The following PRKN variants were observed in gnomAD, a reference collection of about 807,000 sequenced individuals.
PRKN encodes E3 ubiquitin-protein ligase parkin.
Under a neutral mutation model 59.5 loss-of-function variants are expected in PRKN, and 56 were observed. The ratio of observed to expected loss-of-function variants is 0.94; its 90% CI spans 0.76 to 1.18. The LOEUF is 1.18. Among genes scored for constraint, PRKN ranks in the 50% most tolerant of loss-of-function variants. The probability of loss-of-function intolerance (pLI) is 0.00; values close to 1 mark genes in which losing one functional copy is unlikely to be tolerated. For synonymous variants in PRKN, 250 were observed against 222.1 expected, an observed-to-expected ratio of 1.13 and a Z score of -1.12; for missense variants, 657 against 596.4, an observed-to-expected ratio of 1.10 and a Z score of -1.06.
chr6:162,509,346 A>G (rs372488995), intron 1 of PRKN, among the ~76,000 whole-genome samples: 3 of 152,192 alleles, frequency 2.0e-5, no homozygotes, highest in African/African-American at 7.2e-5. Context: ...AGATTTTACT[A>G]TAAGAACATT....
chr6:162,316,843 T>G (rs1174642227), intron 2 of PRKN, among the ~76,000 whole-genome samples: 2 of 152,172 alleles, frequency 1.3e-5, no homozygotes, highest in Non-Finnish European at 2.9e-5. Context: ...ATATGAAAAG[T>G]TGGCATATAT....
At chr6:162,402,430 T>C (rs892057674) in intron 2 of PRKN, among the ~76,000 whole-genome samples, 8 of 151,920 alleles carry the variant, frequency 5.3e-5, no homozygotes, top group African/African-American at 1.9e-4. Flanking sequence ...CCACTCACAG[T>C]TGCCCCCCTA....
At chr6:162,225,135 A>T (rs1443356290) in intron 3 of PRKN, among the ~76,000 whole-genome samples, 1 of 152,212 alleles carries the variant, frequency 6.6e-6, no homozygotes, top group Non-Finnish European at 1.5e-5. Flanking sequence ...GTGAGAGCAC[A>T]TCTATGAGTG....
chr6:162,360,148 G>A (rs1785072322), intron 2 of PRKN, among the ~76,000 whole-genome samples: 1 of 151,976 alleles, frequency 6.6e-6, no homozygotes, highest in Non-Finnish European at 1.5e-5. Flanking sequence ...AACACAATAA[G>A]TGGAAAAATT....
At chr6:161,915,191 CA>C (rs1778509416) in intron 6 of PRKN, among the ~76,000 whole-genome samples, 2 of 152,096 alleles carry the variant, frequency 1.3e-5, no homozygotes, top group African/African-American at 2.4e-5. Flanking sequence ...GAGGCTGAGG[CA>C]CCAGAATTAT....
chr6:162,443,438 C>A lies in PRKN; in HGVS notation c.43G>T (p.Val15Leu), dbSNP rs532703934. 1.2e-6 allele frequency: 2 copies of A among 1,614,136 alleles called. No homozygotes were observed. The highest frequency in any genetic ancestry group is 2.2e-5 in the South Asian group (2 of 91,084). The change falls in exon 2 of 12, where the codon GTG becomes TTG. Residue 15 changes from valine to leucine, a missense_variant. Physicochemically the swap from Val to Leu is conservative, Grantham distance 32 (BLOSUM62 1). Transcript: ENST00000366898. ...VRFNSSHGFP[V>L]EVDSDTSIFQ... is the part of the protein sequence containing the mutation. ...ATGCTGGTGTCAGAATCGACCTCCA[C>A]TGGGAAACCATGGCTGGAGTTGAAC...
chr6:161,672,266 A>G (rs1350651908), intron 7 of PRKN, among the ~76,000 whole-genome samples: 1 of 152,186 alleles, frequency 6.6e-6, no homozygotes, highest in Admixed American at 6.5e-5. Context: ...TAAAACCCCA[A>G]ACCCTGAACA....
At chr6:161,704,989 A>G (rs1786420522) in intron 7 of PRKN, among the ~76,000 whole-genome samples, 1 of 152,172 alleles carries the variant, frequency 6.6e-6, no homozygotes, top group African/African-American at 2.4e-5. Flanking sequence ...TGGGGTTGAG[A>G]ATAGGCACTG....
chr6:161,918,841 C>CA (rs1254333214), intron 6 of PRKN, among the ~76,000 whole-genome samples: 10 of 152,056 alleles, frequency 6.6e-5, no homozygotes, highest in African/African-American at 2.2e-4. Context: ...AATTAGAGAA[C>CA]GTCTATAATG....
At chr6:161,439,906 C>T (rs928020326) in intron 9 of PRKN, among the ~76,000 whole-genome samples, 6 of 151,678 alleles carry the variant, frequency 4.0e-5, no homozygotes, top group Non-Finnish European at 5.9e-5. Context: ...GAGATTCGAG[C>T]ATCAGTATTT....
chr6:162,404,501 G>A (rs1787964513), intron 2 of PRKN, among the ~76,000 whole-genome samples: 1 of 152,114 alleles, frequency 6.6e-6, no homozygotes. Context: ...ATGTCCTTTA[G>A]GATTCCAAAT....
chr6:162,302,633 C>T (rs1782010517), intron 2 of PRKN, among the ~76,000 whole-genome samples: 1 of 151,948 alleles, frequency 6.6e-6, no homozygotes, highest in Admixed American at 6.6e-5. Flanking sequence ...ACCCCAAGCT[C>T]CTAATGAGAT....
At chr6:162,297,871 C>T (rs1486314724) in intron 2 of PRKN, among the ~76,000 whole-genome samples, 2 of 152,148 alleles carry the variant, frequency 1.3e-5, no homozygotes, top group South Asian at 4.1e-4. Flanking sequence ...AAAAATCATA[C>T]TCTCAACACT....
intron 4 of PRKN, among the ~76,000 whole-genome samples, chr6:162,099,948 C>T (rs80054285): frequency 0.023 from 3,507 of 152,346 alleles, 63 homozygotes; most frequent in Non-Finnish European, 0.036. Context: ...CTTCCAGCCC[C>T]TGGCAACCAG....
chr6:162,700,968 C>A (rs1006397918), intron 1 of PRKN, among the ~76,000 whole-genome samples: 1 of 152,006 alleles, frequency 6.6e-6, no homozygotes, highest in Non-Finnish European at 1.5e-5. Flanking sequence ...ACATGTCTTG[C>A]CTCCCCAGAT....
At position 161,874,164 on chromosome 6, in the gene PRKN, A is replaced by T. The variant is rs369842982; in HGVS notation, c.735-88256T>A. 6.4e-3 allele frequency among the ~76,000 whole-genome samples: 134 copies of T among 20,938 alleles called. 2 individuals are homozygous for T. Among genetic ancestry groups the T allele is most frequent in the Non-Finnish European group, 7.8e-3 (98 of 12,640 alleles). 13.7% of individuals were successfully genotyped at this position (20,938 alleles called of 152,430 possible). A position where few individuals can be genotyped will look rare whatever the true frequency, so the allele number is the denominator to read the frequency against. On this transcript the variant is annotated intron_variant, in intron 6 of 11. Coordinates refer to ENST00000366898, the MANE Select transcript of PRKN (RefSeq NM_004562.3). The stretch of plus-strand genomic sequence containing the variant: ...GTAAAATATAATATATATTATATAT[A>T]ATATATAATATATATTATATATAAT...
intron 1 of PRKN, among the ~76,000 whole-genome samples, chr6:162,520,993 C>A (rs1419076177): frequency 6.6e-6 from 1 of 152,106 alleles, no homozygotes; most frequent in East Asian, 1.9e-4. Context: ...TCATGCCAGA[C>A]TAATGCAGAA....
At chr6:161,812,363 T>C (rs891778378) in intron 6 of PRKN, among the ~76,000 whole-genome samples, 1 of 152,100 alleles carries the variant, frequency 6.6e-6, no homozygotes, top group Non-Finnish European at 1.5e-5. Flanking sequence ...TACTCCAGCT[T>C]GGGCAACAGA....
intron 1 of PRKN, among the ~76,000 whole-genome samples, chr6:162,570,740 T>C (rs1176258159): frequency 1.3e-5 from 2 of 152,156 alleles, no homozygotes; most frequent in Non-Finnish European, 2.9e-5. Flanking sequence ...TTCTCACTTA[T>C]TTGTGGAATC....
Sources: gnomAD v4.1 joint callset for allele counts (sites outside exome capture counted in the v4.1 genomes callset) on GRCh38, gnomAD v4.1.1 for gene constraint, MANE v1.5 for transcripts, NCBI Gene and HGNC (gene_info 2026-07-23, HGNC 2026-07-21) for gene names.